The following FAM171A1 variants were observed in gnomAD, a reference collection of about 807,000 sequenced individuals.
The protein encoded by FAM171A1 is protein FAM171A1.
FAM171A1 carries 23 observed loss-of-function variants against 74.9 expected under a neutral mutation model. That is an observed-to-expected ratio of 0.31 (90% CI 0.22 to 0.44). The LOEUF (loss-of-function observed/expected upper bound fraction) is 0.44. Ranked by LOEUF, FAM171A1 falls within the 20% of genes least tolerant of loss-of-function variation. The probability of loss-of-function intolerance (pLI) is 1.00; values close to 1 mark genes in which losing one functional copy is unlikely to be tolerated. For missense variants in FAM171A1, 1,162 were observed against 1,159.2 expected, an observed-to-expected ratio of 1.00 and a Z score of -0.03; for synonymous variants, 527 against 505.7, an observed-to-expected ratio of 1.04 and a Z score of -0.57.
chr10:15,229,828 T>C (rs891040114), intron 5 of FAM171A1, among the ~76,000 whole-genome samples: 12 of 3,646 alleles, frequency 3.3e-3, no homozygotes, highest in Admixed American at 6.3e-3. Flanking sequence ...ATCACCATCA[T>C]CATCATCACC....
chr10:15,360,193 A>G (rs1320231254), intron 1 of FAM171A1, among the ~76,000 whole-genome samples: 1 of 152,112 alleles, frequency 6.6e-6, no homozygotes, highest in Non-Finnish European at 1.5e-5. Context: ...TTGGCTTCCC[A>G]AAGTTTTGAG....
rs1021267373 is a variant in FAM171A1 at position 15,237,780 on chromosome 10, C to G, written c.754+10859G>C. 2.2e-4 allele frequency: 16 copies of G among 72,844 alleles called. No individual in the cohort carries two copies. In the East Asian group the frequency reaches 6.6e-3, roughly 30 times the overall value. The allele number at this position is 72,844 out of a possible 1,614,324, so 4.5% of individuals were successfully genotyped here. On this transcript the variant is annotated intron_variant, in intron 5 of 7. Coordinates refer to ENST00000378116, the MANE Select transcript of FAM171A1 (RefSeq NM_001010924.2). Reference sequence around the variant, plus strand: ...TTTTTTTTTTGCAGGTACATTACCCCCTTTTCCCCTACCGGTCTCATTAAA... The same window carrying G: ...TTTTTTTTTTGCAGGTACATTACCCGCTTTTCCCCTACCGGTCTCATTAAA...
At chr10:15,239,718 A>G (rs1402838136) in intron 5 of FAM171A1, among the ~76,000 whole-genome samples, 1 of 152,226 alleles carries the variant, frequency 6.6e-6, no homozygotes, top group Non-Finnish European at 1.5e-5. Flanking sequence ...GATCCACTAA[A>G]TAGAGTGCTC....
chr10:15,338,280 C>T (rs929501056), intron 1 of FAM171A1, among the ~76,000 whole-genome samples: 3 of 152,032 alleles, frequency 2.0e-5, no homozygotes, highest in South Asian at 2.1e-4. Context: ...TAAATCAAAC[C>T]GGGAAGAGTT....
rs1373991816 is a variant in FAM171A1, at chr10:15,212,253, T to TA, written c.*661dup. 2 of 152,986 alleles carry TA rather than the reference T, an allele frequency of 1.3e-5. No homozygotes were observed. The highest frequency in any genetic ancestry group is 2.9e-5 in the Non-Finnish European group (2 of 68,380). 9.5% of individuals were successfully genotyped at this position (152,986 alleles called of 1,614,324 possible). ...CGATTTCATTAAAAGGCTTGGATGT[T>TA]AAGAGAGGACACTCAGCGGTTCCTG... On this transcript the variant is annotated 3_prime_UTR_variant, in exon 8 of 8. Transcript: ENST00000378116.
chr10:15,333,197 T>A (rs1835661408), intron 1 of FAM171A1, among the ~76,000 whole-genome samples: 1 of 152,212 alleles, frequency 6.6e-6, no homozygotes, highest in South Asian at 2.1e-4. Context: ...GGGGCTGCTT[T>A]AAAAACTCTT....
chr10:15,340,443 T>A (rs1835752299), intron 1 of FAM171A1, among the ~76,000 whole-genome samples: 2 of 152,164 alleles, frequency 1.3e-5, no homozygotes, highest in African/African-American at 4.8e-5. Context: ...AATAAACTTA[T>A]AAAGTACAGT....
At chr10:15,218,495 G>A (rs989895012) in intron 6 of FAM171A1, among the ~76,000 whole-genome samples, 9 of 152,184 alleles carry the variant, frequency 5.9e-5, no homozygotes, top group African/African-American at 7.2e-5. Context: ...TTGAGTTCAT[G>A]AAAGCCCAAT....
chr10:15,252,145 C>T (rs1834516863), intron 4 of FAM171A1, among the ~76,000 whole-genome samples: 1 of 152,204 alleles, frequency 6.6e-6, no homozygotes, highest in African/African-American at 2.4e-5. Context: ...CTTGGGAACA[C>T]CACGGAACAT....
At chr10:15,249,077 T>C (rs181820339) in intron 4 of FAM171A1, among the ~76,000 whole-genome samples, 210 of 148,194 alleles carry the variant, frequency 1.4e-3, no homozygotes, top group Non-Finnish European at 2.4e-3. Context: ...AGCTGGAATC[T>C]AGGCTCAGGT....
intron 1 of FAM171A1, among the ~76,000 whole-genome samples, chr10:15,311,243 T>A (rs532342807): frequency 1.3e-5 from 2 of 152,372 alleles, no homozygotes; most frequent in African/African-American, 2.4e-5. Context: ...CAGGCTTCTG[T>A]ATCTTTACAA....
At chr10:15,216,489 G>A (rs1325529695) in intron 6 of FAM171A1, among the ~76,000 whole-genome samples, 1 of 151,766 alleles carries the variant, frequency 6.6e-6, no homozygotes, top group Non-Finnish European at 1.5e-5. Flanking sequence ...GGAGCGCAGT[G>A]ATACAATCAT....
At position 15,229,521 on chromosome 10, in the gene FAM171A1, A is replaced by AC. The variant is rs1035395526; in HGVS notation, c.755-8462dup. On this transcript the variant is annotated intron_variant, in intron 5 of 7. Transcript: ENST00000378116. ...CACCAACACCATCATCACCATTGTC[A>AC]CCCCCCTCACCATCATCACCATCAT... Among the ~76,000 whole-genome samples the AC allele has an allele frequency of 1.7e-5, 2 of 114,836 alleles. 1 individual carries two copies. The highest frequency in any genetic ancestry group is 6.8e-5 in the African/African-American group (2 of 29,480). 75.3% of individuals were successfully genotyped at this position (114,836 alleles called of 152,430 possible). A position where few individuals can be genotyped will look rare whatever the true frequency, so the allele number is the denominator to read the frequency against.
At chr10:15,313,230 C>A (rs148814171) in intron 1 of FAM171A1, among the ~76,000 whole-genome samples, 1 of 152,352 alleles carries the variant, frequency 6.6e-6, no homozygotes, top group East Asian at 1.9e-4. Flanking sequence ...CAGCAGTAAA[C>A]CTCCTGTTCC....
chr10:15,337,131 G>A (rs1225270095), intron 1 of FAM171A1, among the ~76,000 whole-genome samples: 1 of 151,142 alleles, frequency 6.6e-6, no homozygotes, highest in Non-Finnish European at 1.5e-5. Flanking sequence ...TCCTCCTGCC[G>A]TGGCCTCCCA....
intron 1 of FAM171A1, among the ~76,000 whole-genome samples, chr10:15,284,760 A>G (rs1019236660): frequency 2.6e-5 from 4 of 152,190 alleles, no homozygotes; most frequent in Admixed American, 6.5e-5. Flanking sequence ...GTAAGGGCAC[A>G]GTGGGCCATG....
chr10:15,333,479 GAC>G (rs1835665311), intron 1 of FAM171A1, among the ~76,000 whole-genome samples: 1 of 152,072 alleles, frequency 6.6e-6, no homozygotes, highest in Non-Finnish European at 1.5e-5. Flanking sequence ...CAGCCTGGGT[GAC>G]AGAGTGAGAT....
intron 5 of FAM171A1, among the ~76,000 whole-genome samples, chr10:15,233,299 AAAAAC>A (rs1182642469): frequency 6.3e-4 from 54 of 85,830 alleles, no homozygotes; most frequent in Non-Finnish European, 1.3e-3. Context: ...CGTCTCAAAA[AAAAAC>A]AAAAACAAAA....
chr10:15,260,381 G>T (rs1418316793), intron 3 of FAM171A1, among the ~76,000 whole-genome samples: 2 of 152,156 alleles, frequency 1.3e-5, no homozygotes, highest in Admixed American at 6.5e-5. Context: ...TTAGCTCCAG[G>T]TTTAAATCTT....
Sources: gnomAD v4.1 joint callset for allele counts (sites outside exome capture counted in the v4.1 genomes callset) on GRCh38, gnomAD v4.1.1 for gene constraint, MANE v1.5 for transcripts, NCBI Gene and HGNC (gene_info 2026-07-23, HGNC 2026-07-21) for gene names.